Variants in AKAP13 observed in about 807,000 individuals in gnomAD.
AKAP13 encodes A-kinase anchor protein 13.
Under a neutral mutation model 264.5 loss-of-function variants are expected in AKAP13, and 80 were observed. The observed-to-expected ratio is 0.30, with a 90% CI of 0.25 to 0.36. The LOEUF (loss-of-function observed/expected upper bound fraction) is 0.36, where lower values mean the gene tolerates loss of function less well. Among genes scored for constraint, AKAP13 ranks in the 10% least tolerant of loss-of-function variants. AKAP13 has a pLI of 1.00. For missense variants in AKAP13, 3,712 were observed against 3,435.2 expected (o/e 1.08, Z -2.01); for synonymous variants, 1,380 against 1,250.2 (o/e 1.10, Z -2.19).
chr15:85,477,637 G>GAAAAAAA (rs1309806715), intron 1 of AKAP13, among the ~76,000 whole-genome samples: 4 of 49,708 alleles, frequency 8.0e-5, no homozygotes, highest in East Asian at 6.3e-4. Flanking sequence ...TTAAAAAAAG[G>GAAAAAAA]AAAAAAAAAA....
intron 1 of AKAP13, among the ~76,000 whole-genome samples, chr15:85,471,329 A>G (rs2074952822): frequency 6.6e-6 from 1 of 152,132 alleles, no homozygotes; most frequent in Admixed American, 6.5e-5. Context: ...CCCTGTCTCT[A>G]CTAAAAATAC....
intron 4 of AKAP13, among the ~76,000 whole-genome samples, chr15:85,542,831 A>C (rs1289210903): frequency 1.3e-5 from 2 of 152,200 alleles, no homozygotes; most frequent in Non-Finnish European, 2.9e-5. Flanking sequence ...GGATTTAATG[A>C]ATGTCTACTA....
chr15:85,701,469 T>G (rs1454748962), intron 17 of AKAP13, among the ~76,000 whole-genome samples: 1 of 152,192 alleles, frequency 6.6e-6, no homozygotes, highest in Non-Finnish European at 1.5e-5. Flanking sequence ...AGACGGCGTC[T>G]CACTCTGTCA....
At chr15:85,567,980 G>GTGTA (rs1008087186) in intron 5 of AKAP13, among the ~76,000 whole-genome samples, 1 of 146,946 alleles carries the variant, frequency 6.8e-6, no homozygotes, top group African/African-American at 2.5e-5. Context: ...GTGTGTGTGT[G>GTGTA]TATTTTTTAA....
chr15:85,548,698 C>T (rs1346085282), intron 5 of AKAP13, among the ~76,000 whole-genome samples: 3 of 152,136 alleles, frequency 2.0e-5, no homozygotes, highest in African/African-American at 4.8e-5. Flanking sequence ...TTAGAGTTAA[C>T]TGATCAATGA....
chr15:85,518,532 A>AC (rs1335002288), intron 2 of AKAP13, among the ~76,000 whole-genome samples: 1 of 152,200 alleles, frequency 6.6e-6, no homozygotes, highest in Non-Finnish European at 1.5e-5. Flanking sequence ...AAACAAACAA[A>AC]ACAACAAAAA....
chr15:85,668,731 C>T (rs939246708), intron 13 of AKAP13, among the ~76,000 whole-genome samples: 1 of 152,116 alleles, frequency 6.6e-6, no homozygotes, highest in African/African-American at 2.4e-5. Flanking sequence ...CATTTGAGCC[C>T]AGGGATTTAA....
intron 3 of AKAP13, 70 bp downstream of exon 3, chr15:85,521,645 T>C (rs1291035045): frequency 1.3e-6 from 2 of 1,513,750 alleles, no homozygotes; most frequent in Non-Finnish European, 1.8e-6. Context: ...TGTTTATGAG[T>C]ATAGAGTGAC....
chr15:85,616,159 G>A (rs1210852841), intron 8 of AKAP13, among the ~76,000 whole-genome samples: 2 of 152,226 alleles, frequency 1.3e-5, no homozygotes, highest in Non-Finnish European at 2.9e-5. Context: ...AATATTCACT[G>A]GCCTTTGGTG....
intron 3 of AKAP13, among the ~76,000 whole-genome samples, chr15:85,532,779 G>A (rs1212309495): frequency 6.6e-6 from 1 of 152,166 alleles, no homozygotes; most frequent in Non-Finnish European, 1.5e-5. Context: ...GTCTGCAGCC[G>A]AACTCTTTGG....
Position 85,743,658 on chromosome 15 carries a change from G to A in AKAP13, c.8225G>A (p.Gly2742Glu), listed in dbSNP as rs2151792793. 6.2e-7 allele frequency: 1 copy of A among 1,614,120 alleles called. No individual in the cohort carries two copies. The highest frequency in any genetic ancestry group is 8.5e-7 in the Non-Finnish European group (1 of 1,180,036). The part of the protein sequence containing the change: ...NSISRTHKDK[G>E]PFHILSSTSQ... The stretch of plus-strand genomic sequence containing the variant: ...ATCTCTCGGACACACAAAGATAAGG[G>A]GCCTTTTCACATACTGAGTTCAACC... The change falls in exon 36 of 37, where the codon GGG (glycine) becomes GAG (glutamate). Residue 2742 changes from glycine to glutamate, a missense_variant. Coordinates refer to ENST00000394518, the MANE Select transcript of AKAP13 (RefSeq NM_007200.5).
chr15:85,587,172 TC>T (rs752276185), intron 8 of AKAP13, among the ~76,000 whole-genome samples: 1 of 152,140 alleles, frequency 6.6e-6, no homozygotes, highest in Non-Finnish European at 1.5e-5. Flanking sequence ...CCTTCACTCT[TC>T]CCTCCCCCAG....
chr15:85,569,572 C>T (rs945604951), intron 5 of AKAP13, among the ~76,000 whole-genome samples: 6 of 151,038 alleles, frequency 4.0e-5, no homozygotes, highest in Non-Finnish European at 7.4e-5. Flanking sequence ...CCTGCCTTAG[C>T]CTCCCGAGTT....
intron 1 of AKAP13, among the ~76,000 whole-genome samples, chr15:85,390,336 G>T (rs1262651612): frequency 6.6e-6 from 1 of 152,162 alleles, no homozygotes; most frequent in East Asian, 1.9e-4. Context: ...GAGGAGGTGA[G>T]ATTTGAACAG....
chr15:85,703,853 A>AAATATATAT (rs1555461458), intron 17 of AKAP13, among the ~76,000 whole-genome samples: 1 of 142,500 alleles, frequency 7.0e-6, no homozygotes, highest in Non-Finnish European at 1.5e-5. Context: ...AAAAAAAAAA[A>AAATATATAT]ATATATATAT....
chr15:85,504,386 G>C (rs2076126353), intron 2 of AKAP13, among the ~76,000 whole-genome samples: 1 of 151,516 alleles, frequency 6.6e-6, no homozygotes, highest in East Asian at 1.9e-4. Flanking sequence ...ATTAATACAG[G>C]CTGGGCGCAG....
intron 1 of AKAP13, among the ~76,000 whole-genome samples, chr15:85,453,031 A>G (rs2074147102): frequency 6.6e-6 from 1 of 152,158 alleles, no homozygotes. Flanking sequence ...GGCCCAAGCC[A>G]GGGGTTGGTT....
chr15:85,655,404 C>G lies in AKAP13; in HGVS notation c.4375-13C>G. 6.2e-7 allele frequency: 1 copy of G among 1,607,746 alleles called. No individual in the cohort carries two copies. Among genetic ancestry groups the G allele is most frequent in the Non-Finnish European group, 8.5e-7 (1 of 1,175,590 alleles). On this transcript the variant is annotated splice_polypyrimidine_tract_variant and intron_variant, in intron 10 of 36. Coordinates refer to ENST00000394518, the MANE Select transcript of AKAP13 (RefSeq NM_007200.5). ...TGCTGGCTTCAACCATATGTGCTTT[C>G]TCTCCATTACAGCCAGAGGAAGAGC...
At chr15:85,692,637 G>A (rs918433911) in intron 16 of AKAP13, among the ~76,000 whole-genome samples, 7 of 152,172 alleles carry the variant, frequency 4.6e-5, no homozygotes, top group South Asian at 4.1e-4. Flanking sequence ...TCCTCTTGCC[G>A]GTTTGAAAAT....
Sources: allele counts gnomAD v4.1 joint callset (sites outside exome capture counted in the v4.1 genomes callset), GRCh38; gene constraint gnomAD v4.1.1; transcripts MANE v1.5; gene names NCBI Gene and HGNC (gene_info 2026-07-23, HGNC 2026-07-21).